SLC39A12: variants seen among roughly 807,000 people sequenced by gnomAD.
The protein encoded by SLC39A12 is solute carrier family 39 member 12.
SLC39A12 carries 63 observed loss-of-function variants against 71.1 expected under a neutral mutation model. That is an observed-to-expected ratio of 0.89 (90% CI 0.72 to 1.09). The LOEUF is 1.09. Ranked by LOEUF, SLC39A12 falls within the 50% of genes least tolerant of loss-of-function variation. The pLI is 0.00. For synonymous variants in SLC39A12, 351 were observed against 301.3 expected, an observed-to-expected ratio of 1.16 and a Z score of -1.71; for missense variants, 892 against 812.6, an observed-to-expected ratio of 1.10 and a Z score of -1.19.
At chr10:17,962,318 T>C (rs1271841434) in intron 3 of SLC39A12, among the ~76,000 whole-genome samples, 1 of 152,244 alleles carries the variant, frequency 6.6e-6, no homozygotes, top group Non-Finnish European at 1.5e-5. Flanking sequence ...GCAAAAAGCA[T>C]TACTCATGGT....
intron 4 of SLC39A12, among the ~76,000 whole-genome samples, chr10:17,967,470 A>G (rs7921948): frequency 0.02 from 3,116 of 152,272 alleles, 89 homozygotes; most frequent in African/African-American, 0.071. Flanking sequence ...CCTCGTCACT[A>G]CTTCATCTTA....
At chr10:17,975,578 A>G (rs80165556) in intron 4 of SLC39A12, among the ~76,000 whole-genome samples, 3,432 of 152,166 alleles carry the variant, frequency 0.023, 117 homozygotes, top group African/African-American at 0.075. Context: ...TTTCCTCTCC[A>G]TTCCTTAAGT....
At chr10:18,013,030 C>G (rs1425509629) in intron 12 of SLC39A12, among the ~76,000 whole-genome samples, 1 of 151,932 alleles carries the variant, frequency 6.6e-6, no homozygotes, top group Non-Finnish European at 1.5e-5. Context: ...GACAATGAAT[C>G]TTTACCAGGC....
chr10:18,021,648 T>C (rs1450193025), intron 12 of SLC39A12, among the ~76,000 whole-genome samples: 1 of 152,156 alleles, frequency 6.6e-6, no homozygotes, highest in African/African-American at 2.4e-5. Context: ...ATGTATGGAT[T>C]TGATCATGTC....
chr10:17,998,287 G>C (rs757311683), intron 10 of SLC39A12, among the ~76,000 whole-genome samples: 13 of 118,856 alleles, frequency 1.1e-4, no homozygotes, highest in Non-Finnish European at 1.8e-4. Flanking sequence ...GGCCACACTG[G>C]TTTCTAGCAG....
intron 9 of SLC39A12, among the ~76,000 whole-genome samples, chr10:17,995,017 G>C (rs909391526): frequency 6.6e-6 from 1 of 152,068 alleles, no homozygotes; most frequent in East Asian, 1.9e-4. Context: ...ATAAAATCAC[G>C]TAATCTTACC....
intron 10 of SLC39A12, among the ~76,000 whole-genome samples, chr10:17,997,993 T>C (rs1239596758): frequency 6.6e-6 from 1 of 152,206 alleles, no homozygotes; most frequent in Non-Finnish European, 1.5e-5. Context: ...TGTCTTATCT[T>C]CCACTAAATA....
In SLC39A12 at chr10:17,977,115, G is replaced by A. The variant is rs770117445; in HGVS notation, c.752-787G>A. ...AACTTTTTGTTTCACTTATTGTCTC[G>A]ATATTCTTAAACTCCAGAATTTTCA... On this transcript the variant is annotated intron_variant, in intron 4 of 12. Coordinates refer to ENST00000377369, the MANE Select transcript of SLC39A12 (RefSeq NM_001145195.2). Among the ~76,000 whole-genome samples the A allele has an allele frequency of 9.2e-5, 14 of 151,732 alleles. 1 individual carries two copies. In the East Asian group the frequency reaches 1.4e-3, roughly 15 times the overall value.
chr10:17,961,815 G>C lies in SLC39A12; in HGVS notation c.496G>C (p.Asp166His). 1 of 1,614,094 alleles carries C rather than the reference G, an allele frequency of 6.2e-7. No individual in the cohort carries two copies. The highest frequency in any genetic ancestry group is 8.5e-7 in the Non-Finnish European group (1 of 1,179,994). ...TTTCCTTTCACAGAATGAGACAGAA[G>C]ATATCTTGGCTTTCACCAGGCAGTA... ...SSFLSQNETE[D>H]ILAFTRQYFD... The change falls in exon 3 of 13, where the codon GAT becomes CAT. Residue 166 changes from aspartate (D) to histidine (H), a missense_variant. Transcript: ENST00000377369.
chr10:17,961,992 A>T (rs1834703827), intron 3 of SLC39A12, 130 bp downstream of exon 3: 2 of 912,114 alleles, frequency 2.2e-6, no homozygotes, highest in African/African-American at 3.4e-5. Flanking sequence ...GGTTTTGGTT[A>T]TGAGATGTTA....
rs370008212 is a variant in SLC39A12, at chr10:17,962,882, G to T, written c.543+1020G>T. On this transcript the variant is annotated intron_variant, in intron 3 of 12. Transcript: ENST00000377369. ...AGGAAAAGGGATTCCTAGGCCCAGT[G>T]CAGTGGCTCATACCTATAATCCCAA... is the stretch of plus-strand genomic sequence containing the variant. Among the ~76,000 whole-genome samples the T allele has an allele frequency of 1.4e-4, 21 of 152,174 alleles. No individual in the cohort carries two copies. The East Asian group carries it at 1.5e-3, about 11-fold the overall frequency.
At chr10:18,018,318 A>G (rs763891145) in intron 12 of SLC39A12, among the ~76,000 whole-genome samples, 40 of 152,218 alleles carry the variant, frequency 2.6e-4, no homozygotes, top group Non-Finnish European at 4.1e-4. Flanking sequence ...TTATCATGTC[A>G]TCCGTGAACA....
rs140007147 is a variant in SLC39A12 at position 17,965,285 on chromosome 10, G to A, written c.544-198G>A. 2.3e-4 allele frequency among the ~76,000 whole-genome samples: 35 copies of A among 152,220 alleles called. No homozygotes were observed. In the East Asian group the frequency reaches 5.8e-3, roughly 25 times the overall value. ...TGAGATGAGGGTTAGAAAATTCAGT[G>A]CCATGGTAGATAAACACATAATTTT... On this transcript the variant is annotated intron_variant, in intron 3 of 12. Transcript: ENST00000377369.
Position 18,041,563 on chromosome 10 carries a change from CATACACACACACAT to C in SLC39A12, c.1948-1140_1948-1127del, listed in dbSNP as rs1450591608. 3.2e-5 allele frequency among the ~76,000 whole-genome samples: 4 copies of C among 125,686 alleles called. 1 individual carries two copies. The highest frequency in any genetic ancestry group is 6.6e-5 in the Non-Finnish European group (4 of 60,324). The allele number at this position is 125,686 out of a possible 152,430, so 82.5% of individuals were successfully genotyped here. A position where few individuals can be genotyped will look rare whatever the true frequency, so the allele number is the denominator to read the frequency against. On this transcript the variant is annotated intron_variant, in intron 12 of 12. Coordinates refer to ENST00000377369, the MANE Select transcript of SLC39A12 (RefSeq NM_001145195.2). ...ACACACACACACACACACACGCACA[CATACACACACACAT>C]ACATACACACACCATATATATGTGT... is the stretch of plus-strand genomic sequence containing the variant.
Position 17,961,699 on chromosome 10 carries a change from A to G in SLC39A12, c.380A>G (p.Glu127Gly), listed in dbSNP as rs1209259521. The change falls in exon 3 of 13, where the codon GAG (glutamate) becomes GGG (glycine). Residue 127 changes from glutamate to glycine, a missense_variant. Physicochemically the swap from Glu to Gly is moderately conservative, Grantham distance 98. Transcript: ENST00000377369. ...LLLYYIIHQEEICSSKLNMSN... is the reference protein window; with the variant it reads ...LLLYYIIHQEGICSSKLNMSN... ...CTCTATTACATTATTCATCAGGAAG[A>G]GATCTGTTCTTCAAAGCTCAACATG... 6.2e-7 allele frequency: 1 copy of G among 1,614,120 alleles called. No individual in the cohort carries two copies. Among genetic ancestry groups the G allele is most frequent in the African/African-American group, 1.3e-5 (1 of 75,054 alleles).
chr10:18,036,757 TATATATATATATATATA>T (rs1837039537), intron 12 of SLC39A12, among the ~76,000 whole-genome samples: 1 of 6,420 alleles, frequency 1.6e-4, no homozygotes, highest in Non-Finnish European at 3.5e-4. Flanking sequence ...TATATATATA[TATATATATATATATATA>T]TATATATATA....
chr10:18,031,082 A>C (rs1440651490), intron 12 of SLC39A12, among the ~76,000 whole-genome samples: 3 of 147,834 alleles, frequency 2.0e-5, no homozygotes, highest in Non-Finnish European at 4.5e-5. Context: ...AGTCTTTGCT[A>C]TTGTGAATAA....
chr10:18,014,703 G>A (rs1030042918), intron 12 of SLC39A12, among the ~76,000 whole-genome samples: 3 of 152,164 alleles, frequency 2.0e-5, no homozygotes, highest in Non-Finnish European at 2.9e-5. Context: ...AAGTCCTTGT[G>A]CTGTATGACA....
intron 12 of SLC39A12, among the ~76,000 whole-genome samples, chr10:18,029,431 T>C (rs1047041098): frequency 6.6e-6 from 1 of 152,150 alleles, no homozygotes; most frequent in Non-Finnish European, 1.5e-5. Context: ...TTACAACTTC[T>C]TGACTAACAA....
Sources: gnomAD v4.1 joint callset for allele counts (sites outside exome capture counted in the v4.1 genomes callset) on GRCh38, gnomAD v4.1.1 for gene constraint, MANE v1.5 for transcripts, NCBI Gene and HGNC (gene_info 2026-07-23, HGNC 2026-07-21) for gene names.